The following ATP8A2 variants were observed in gnomAD, a reference collection of about 807,000 sequenced individuals.
ATP8A2 encodes ATPase phospholipid transporting 8A2, also known as phospholipid-transporting ATPase IB.
ATP8A2 carries 100 observed loss-of-function variants against 165.6 expected under a neutral mutation model. That is an observed-to-expected ratio of 0.60 (90% CI 0.51 to 0.71). ATP8A2 has a LOEUF of 0.71. ATP8A2 is among the 30% of genes least tolerant of loss of function. The pLI, the probability that ATP8A2 is intolerant of heterozygous loss-of-function variation, is 0.00. For missense variants in ATP8A2, 1,227 were observed against 1,479.5 expected, an observed-to-expected ratio of 0.83 and a Z score of 2.80; for synonymous variants, 543 against 548.8, an observed-to-expected ratio of 0.99 and a Z score of 0.15.
intron 25 of ATP8A2, among the ~76,000 whole-genome samples, chr13:25,726,261 A>G (rs1379701588): frequency 1.3e-5 from 2 of 152,210 alleles, no homozygotes; most frequent in African/African-American, 4.8e-5. Flanking sequence ...CTACATGTAA[A>G]TGTAACTCAA....
chr13:25,887,220 A>G (rs947393519), intron 33 of ATP8A2, among the ~76,000 whole-genome samples: 1 of 152,198 alleles, frequency 6.6e-6, no homozygotes, highest in Non-Finnish European at 1.5e-5. Flanking sequence ...GAAAATGGAA[A>G]GTCACTTGAG....
At chr13:25,950,080 G>T (rs1012235352) in intron 33 of ATP8A2, among the ~76,000 whole-genome samples, 10 of 152,176 alleles carry the variant, frequency 6.6e-5, no homozygotes, top group Non-Finnish European at 1.5e-4. Context: ...GATTACAGGT[G>T]TGAGCCACCG....
chr13:25,823,980 C>CT (rs1240612579), intron 27 of ATP8A2, among the ~76,000 whole-genome samples: 5 of 151,814 alleles, frequency 3.3e-5, no homozygotes, highest in Admixed American at 1.3e-4. Context: ...AGTGTCAGTT[C>CT]TTTTTTTTGA....
At position 25,616,326 on chromosome 13, in the gene ATP8A2, C is replaced by CTTTCTTTCT. The variant is rs1357480265; in HGVS notation, c.2211+26630_2211+26631insCTTTCTTTT. Among the ~76,000 whole-genome samples, 11 of 106,758 alleles carry CTTTCTTTCT rather than the reference C, an allele frequency of 1.0e-4. 1 individual carries two copies. Among genetic ancestry groups the CTTTCTTTCT allele is most frequent in the African/African-American group, 4.2e-4 (11 of 26,248 alleles). 70.0% of individuals were successfully genotyped at this position (106,758 alleles called of 152,430 possible). On this transcript the variant is annotated intron_variant, in intron 24 of 36. Coordinates refer to ENST00000381655, the MANE Select transcript of ATP8A2 (RefSeq NM_016529.6). ...TTAATTTTCTTTTCTTTCTTTCTTT[C>CTTTCTTTCT]TTTTTTTTTTTTTTTTTTTTTTGAG... is the stretch of plus-strand genomic sequence containing the variant.
intron 1 of ATP8A2, among the ~76,000 whole-genome samples, chr13:25,448,966 A>C (rs1262373522): frequency 6.6e-6 from 1 of 152,166 alleles, no homozygotes; most frequent in Non-Finnish European, 1.5e-5. Context: ...TGCCCAGCCA[A>C]TAAAGTTCTT....
At chr13:25,567,940 A>G (rs1222837663) in intron 16 of ATP8A2, among the ~76,000 whole-genome samples, 2 of 152,198 alleles carry the variant, frequency 1.3e-5, no homozygotes, top group African/African-American at 4.8e-5. Flanking sequence ...GTGGAGAGGG[A>G]AGAAGTATTT....
At position 25,833,300 on chromosome 13, in the gene ATP8A2, A is replaced by C. The variant is rs747635728; in HGVS notation, c.2755-3863A>C. On this transcript the variant is annotated intron_variant, in intron 28 of 36. Coordinates refer to ENST00000381655, the MANE Select transcript of ATP8A2 (RefSeq NM_016529.6). ...TTAATATAAATATATATGATTCCAC[A>C]TAGACTCAATCCCAACAGGTGAATG... Among the ~76,000 whole-genome samples the C allele has an allele frequency of 1.1e-3, 162 of 152,256 alleles. No individual in the cohort carries two copies. The Middle Eastern group carries it at 0.02, about 19-fold the overall frequency.
At chr13:25,960,120 T>A (rs1200195195) in intron 33 of ATP8A2, among the ~76,000 whole-genome samples, 1 of 152,232 alleles carries the variant, frequency 6.6e-6, no homozygotes, top group Non-Finnish European at 1.5e-5. Flanking sequence ...TGGTTAGGCA[T>A]GGCTTTGGCC....
intron 2 of ATP8A2, among the ~76,000 whole-genome samples, chr13:25,512,678 C>T (rs1361617808): frequency 1.4e-4 from 19 of 138,918 alleles, no homozygotes; most frequent in East Asian, 4.6e-4. Flanking sequence ...GCTGGCCGGG[C>T]GGGGGGCTGA....
At chr13:25,399,900 A>ACTCTTCTCCTCCTTC (rs1555264993) in intron 1 of ATP8A2, among the ~76,000 whole-genome samples, 2 of 143,360 alleles carry the variant, frequency 1.4e-5, no homozygotes, top group Non-Finnish European at 3.0e-5. Flanking sequence ...TCCTCCTCTT[A>ACTCTTCTCCTCCTTC]TTCTTCTCCT....
At chr13:25,909,383 G>C (rs140167091) in intron 33 of ATP8A2, among the ~76,000 whole-genome samples, 6 of 152,100 alleles carry the variant, frequency 3.9e-5, no homozygotes, top group African/African-American at 1.2e-4. Context: ...ACATCACATC[G>C]TACCCCATAA....
intron 1 of ATP8A2, among the ~76,000 whole-genome samples, chr13:25,438,895 A>G (rs1280618408): frequency 1.3e-5 from 2 of 152,202 alleles, no homozygotes; most frequent in East Asian, 3.9e-4. Context: ...ACAAAGGATA[A>G]GAGAAAATAG....
At chr13:25,497,212 T>A (rs1052540493) in intron 2 of ATP8A2, among the ~76,000 whole-genome samples, 11 of 152,164 alleles carry the variant, frequency 7.2e-5, no homozygotes, top group Non-Finnish European at 1.0e-4. Flanking sequence ...ACAGAAGGAA[T>A]ATTATGTGTG....
chr13:25,694,236 C>G (rs181542342), intron 24 of ATP8A2, among the ~76,000 whole-genome samples: 94 of 152,300 alleles, frequency 6.2e-4, no homozygotes, highest in Admixed American at 1.8e-3. Context: ...TGCCCTCTTA[C>G]AAAAAGCCAC....
chr13:25,870,945 A>T (rs1307209360), intron 33 of ATP8A2, among the ~76,000 whole-genome samples: 3 of 152,214 alleles, frequency 2.0e-5, no homozygotes, highest in African/African-American at 7.2e-5. Context: ...TTCAAACAAC[A>T]GGATTTATTT....
At chr13:25,674,164 C>T (rs118156297) in intron 24 of ATP8A2, among the ~76,000 whole-genome samples, 2 of 152,242 alleles carry the variant, frequency 1.3e-5, no homozygotes, top group East Asian at 3.9e-4. Context: ...CGTTTCCACA[C>T]TTAGAGAAGC....
chr13:25,570,317 G>C (rs925927870), intron 16 of ATP8A2, among the ~76,000 whole-genome samples: 1 of 152,166 alleles, frequency 6.6e-6, no homozygotes, highest in South Asian at 2.1e-4. Flanking sequence ...AGGATCTTGC[G>C]AGAGTGAGGC....
intron 35 of ATP8A2, among the ~76,000 whole-genome samples, chr13:25,990,962 A>G (rs1269689281): frequency 1.3e-5 from 2 of 152,136 alleles, no homozygotes; most frequent in East Asian, 1.9e-4. Context: ...AGGCTTGCCG[A>G]CAGGACCACG....
At chr13:25,806,465 A>G (rs931078550) in intron 27 of ATP8A2, among the ~76,000 whole-genome samples, 61 of 152,202 alleles carry the variant, frequency 4.0e-4, no homozygotes, top group African/African-American at 1.4e-3. Flanking sequence ...GCTGAAGCCA[A>G]CATTACCAGG....
Sources: gnomAD v4.1 joint callset for allele counts (sites outside exome capture counted in the v4.1 genomes callset) on GRCh38, gnomAD v4.1.1 for gene constraint, MANE v1.5 for transcripts, NCBI Gene and HGNC (gene_info 2026-07-23, HGNC 2026-07-21) for gene names.